The following TMEM217 variants were observed in gnomAD, a reference collection of about 807,000 sequenced individuals.
TMEM217 encodes the protein transmembrane protein 217.
For synonymous variants in TMEM217, 76 were observed against 88.3 expected (o/e 0.86, Z 0.78); for missense variants, 204 against 248.8 (o/e 0.82, Z 1.21).
intron 1 of TMEM217, among the ~76,000 whole-genome samples, chr6:37,249,466 C>T (rs984123663): frequency 2.6e-5 from 4 of 152,046 alleles, no homozygotes; most frequent in South Asian, 2.1e-4. Flanking sequence ...ACTATAGACA[C>T]GTGCCACCAT....
At chr6:37,254,599 G>T (rs1018322096) in intron 1 of TMEM217, among the ~76,000 whole-genome samples, 7 of 152,196 alleles carry the variant, frequency 4.6e-5, no homozygotes, top group African/African-American at 1.2e-4. Flanking sequence ...AGGAAACACT[G>T]TTTCTATCAT....
exon 2 of TMEM217, chr6:37,217,848 T>C (rs1487676099): frequency 1.4e-5 from 14 of 985,484 alleles, no homozygotes; most frequent in Non-Finnish European, 1.4e-5. Context: ...AGGATTGCCC[T>C]ACTGCAATTC....
chr6:37,226,066 G>A (rs1032616571), intron 1 of TMEM217, among the ~76,000 whole-genome samples: 3 of 152,024 alleles, frequency 2.0e-5, no homozygotes, highest in Non-Finnish European at 4.4e-5. Context: ...CTTTATTGAC[G>A]AAGTGTAATG....
At chr6:37,215,361 G>C (rs1763127742), downstream of TMEM217, 1 of 1,500,904 alleles carries the variant, frequency 6.7e-7, no homozygotes, top group Non-Finnish European at 8.9e-7. Context: ...CGGATCACGA[G>C]GTCAGGAGTT....
chr6:37,219,119 C>G, intron 1 of TMEM217, 78 bp from the exon 2 acceptor site: 1 of 1,288,922 alleles, frequency 7.8e-7, no homozygotes, highest in Non-Finnish European at 1.1e-6. Flanking sequence ...GCCTCCTTCC[C>G]CAAATCTACT....
intron 1 of TMEM217, among the ~76,000 whole-genome samples, chr6:37,234,771 A>T (rs1057509558): frequency 6.6e-6 from 1 of 152,116 alleles, no homozygotes; most frequent in Non-Finnish European, 1.5e-5. Flanking sequence ...CGGTATACAC[A>T]TGTAATTTTG....
chr6:37,231,566 G>A (rs1013317219), intron 1 of TMEM217, among the ~76,000 whole-genome samples: 2 of 149,298 alleles, frequency 1.3e-5, no homozygotes, highest in Non-Finnish European at 3.0e-5. Flanking sequence ...CCAGCTATTC[G>A]GGAGGCTGAG....
chr6:37,253,196 A>G (rs1765540143), intron 1 of TMEM217, among the ~76,000 whole-genome samples: 1 of 152,198 alleles, frequency 6.6e-6, no homozygotes, highest in South Asian at 2.1e-4. Flanking sequence ...ATGGTATAAC[A>G]TGGTTCAAGT....
chr6:37,217,739 C>A, exon 2 of TMEM217: 2 of 985,332 alleles, frequency 2.0e-6, no homozygotes, highest in Non-Finnish European at 2.4e-6. Flanking sequence ...CCAACAGTAT[C>A]CTTTGTGCTG....
In TMEM217 at chr6:37,227,285, T is replaced by C. The variant is rs1763892159; in HGVS notation, c.-11-8244A>G. Among the ~76,000 whole-genome samples the C allele has an allele frequency of 5.3e-5, 8 of 152,338 alleles. No homozygotes were observed. The South Asian group carries it at 1.7e-3, about 32-fold the overall frequency. Reference sequence around the variant, plus strand: ...AATTCTTCCTCCATTATCTCTCATCTGAGTCATCTTCCTCACTAACTCTCA... The same window carrying C: ...AATTCTTCCTCCATTATCTCTCATCCGAGTCATCTTCCTCACTAACTCTCA... On this transcript the variant is annotated intron_variant, in intron 1 of 1. Transcript: ENST00000357219.
exon 2 of TMEM217, chr6:37,218,576 A>G (rs768782715): frequency 1.2e-6 from 2 of 1,614,176 alleles, no homozygotes; most frequent in Non-Finnish European, 1.7e-6. Context: ...TTTGTAGGTT[A>G]TGTGGGCATA....
chr6:37,251,217 A>G (rs1330203767), intron 1 of TMEM217, among the ~76,000 whole-genome samples: 1 of 152,236 alleles, frequency 6.6e-6, no homozygotes, highest in African/African-American at 2.4e-5. Context: ...CAGACAGGTA[A>G]TGTGCCGACA....
intron 1 of TMEM217, among the ~76,000 whole-genome samples, chr6:37,235,363 C>T (rs750913403): frequency 6.6e-6 from 1 of 151,892 alleles, no homozygotes; most frequent in Non-Finnish European, 1.5e-5. Context: ...AAATGTATTT[C>T]TTTTATTATT....
At chr6:37,218,845 G>A (rs764278330) in exon 2 of TMEM217, 1 of 1,614,200 alleles carries the variant, frequency 6.2e-7, no homozygotes, top group South Asian at 1.1e-5. Context: ...TAAAACTCCA[G>A]CAGATGATGA....
chr6:37,240,913 A>C (rs1462938938), intron 1 of TMEM217, among the ~76,000 whole-genome samples: 1 of 152,262 alleles, frequency 6.6e-6, no homozygotes, highest in African/African-American at 2.4e-5. Context: ...TTAACCTAGT[A>C]GTAGGTGAAA....
At chr6:37,252,489 TAC>T (rs1765454677) in intron 1 of TMEM217, among the ~76,000 whole-genome samples, 1 of 151,276 alleles carries the variant, frequency 6.6e-6, no homozygotes, top group Non-Finnish European at 1.5e-5. Flanking sequence ...AACATACATA[TAC>T]ATGTATGCAT....
downstream of TMEM217, chr6:37,215,232 G>A (rs1763118721): frequency 6.2e-7 from 1 of 1,613,938 alleles, no homozygotes; most frequent in Non-Finnish European, 8.5e-7. Context: ...ACAGGTGCTG[G>A]GGGCTGAGCT....
chr6:37,213,000 C>T (rs555708077), downstream of TMEM217: 94 of 1,530,964 alleles, frequency 6.1e-5, no homozygotes, highest in African/African-American at 1.1e-3. Context: ...GCACCTCCTG[C>T]AGGAAGAAAA....
At chr6:37,255,650 C>T (rs1295306522) in intron 1 of TMEM217, among the ~76,000 whole-genome samples, 1 of 150,888 alleles carries the variant, frequency 6.6e-6, no homozygotes, top group Non-Finnish European at 1.5e-5. Flanking sequence ...TGTCACTGGA[C>T]TCCAGCTTGG....
Sources: allele counts gnomAD v4.1 joint callset (sites outside exome capture counted in the v4.1 genomes callset), GRCh38; gene constraint gnomAD v4.1.1; transcripts MANE v1.5; gene names NCBI Gene and HGNC (gene_info 2026-07-23, HGNC 2026-07-21).